Variants in CELF2 observed in about 807,000 individuals in gnomAD.
CELF2 encodes CUGBP Elav-like family member 2, also known as CUG triplet repeat RNA-binding protein 2.
CELF2 carries 8 observed loss-of-function variants against 62.6 expected under a neutral mutation model. The observed-to-expected ratio is 0.13, with a 90% CI of 0.07 to 0.23. The LOEUF is 0.23. Ranked by LOEUF, CELF2 falls within the 10% of genes least tolerant of loss-of-function variation. The pLI, the probability that CELF2 is intolerant of heterozygous loss-of-function variation, is 1.00. For synonymous variants in CELF2, 258 were observed against 250.0 expected, an observed-to-expected ratio of 1.03 and a Z score of -0.30; for missense variants, 333 against 671.0, an observed-to-expected ratio of 0.50 and a Z score of 5.56.
chr10:10,774,271 A>C, the CELF2 span, among the ~76,000 whole-genome samples: 1 of 152,204 alleles, frequency 6.6e-6, no homozygotes, highest in Non-Finnish European at 1.5e-5. Flanking sequence ...CGGTACACAT[A>C]GACAAATTAG....
At chr10:10,539,224 G>T in the CELF2 span, among the ~76,000 whole-genome samples, 1 of 152,204 alleles carries the variant, frequency 6.6e-6, no homozygotes, top group South Asian at 2.1e-4. Context: ...TCTATACAAA[G>T]AAAAAGTAGC....
the CELF2 span, among the ~76,000 whole-genome samples, chr10:10,499,086 T>A: frequency 3.4e-5 from 5 of 148,314 alleles, no homozygotes; most frequent in East Asian, 1.9e-4. Context: ...TTTTTTTTTT[T>A]GAGAGAGTCT....
the CELF2 span, among the ~76,000 whole-genome samples, chr10:10,729,530 A>G: frequency 6.6e-6 from 1 of 152,200 alleles, no homozygotes; most frequent in Non-Finnish European, 1.5e-5. Context: ...TCATGGCATT[A>G]TATGAGACAA....
intron 2 of CELF2, among the ~76,000 whole-genome samples, chr10:11,212,451 C>G (rs566746916): frequency 6.6e-6 from 1 of 152,352 alleles, no homozygotes; most frequent in South Asian, 2.1e-4. Flanking sequence ...CAGTGAACAG[C>G]AGAATCACAG....
At chr10:10,594,149 T>A in the CELF2 span, among the ~76,000 whole-genome samples, 19,974 of 152,156 alleles carry the variant, frequency 0.13, 1,572 homozygotes, top group Non-Finnish European at 0.19. Flanking sequence ...TTGAGAAATA[T>A]TTTGAGTTTA....
intron 1 of CELF2, among the ~76,000 whole-genome samples, chr10:10,888,430 C>T (rs2061909752): frequency 6.6e-6 from 1 of 152,134 alleles, no homozygotes; most frequent in African/African-American, 2.4e-5. Context: ...CTAAAAATTG[C>T]CATGTGATTA....
the CELF2 span, among the ~76,000 whole-genome samples, chr10:10,659,725 C>T: frequency 3.9e-5 from 6 of 152,208 alleles, no homozygotes; most frequent in Non-Finnish European, 8.8e-5. Context: ...TTAGTGCCTT[C>T]GGTTCCAGCT....
At chr10:10,464,975 A>G in the CELF2 span, among the ~76,000 whole-genome samples, 1 of 152,156 alleles carries the variant, frequency 6.6e-6, no homozygotes, top group African/African-American at 2.4e-5. Context: ...ATTTCTTAAC[A>G]ATAGTTCTGC....
the CELF2 span, among the ~76,000 whole-genome samples, chr10:10,759,310 T>C: frequency 1.3e-4 from 19 of 141,314 alleles, no homozygotes; most frequent in East Asian, 4.1e-4. Flanking sequence ...TTTTTTTTTT[T>C]TTTTTTTTTT....
At chr10:10,563,607 CAAAAAAAAAA>C in the CELF2 span, among the ~76,000 whole-genome samples, 1 of 86,994 alleles carries the variant, frequency 1.1e-5, no homozygotes, top group Non-Finnish European at 2.6e-5. Context: ...GACTGTGTCT[CAAAAAAAAAA>C]AAAAAAAAAA....
chr10:10,901,620 A>T (rs1223804824), intron 1 of CELF2, among the ~76,000 whole-genome samples: 1 of 152,220 alleles, frequency 6.6e-6, no homozygotes, highest in Non-Finnish European at 1.5e-5. Context: ...TCCTAAATAC[A>T]GCTCTAAAAG....
At chr10:10,909,705 G>T (rs1347885322) in intron 1 of CELF2, among the ~76,000 whole-genome samples, 4 of 152,202 alleles carry the variant, frequency 2.6e-5, no homozygotes, top group Admixed American at 1.3e-4. Flanking sequence ...CTTGATATCT[G>T]TTTCAGCAAA....
chr10:11,191,042 A>G lies in CELF2; in HGVS notation c.271+25360A>G, dbSNP rs1301818466. Among the ~76,000 whole-genome samples, 1 of 152,128 alleles carries G rather than the reference A, an allele frequency of 6.6e-6. No homozygotes were observed. The highest frequency in any genetic ancestry group is 1.5e-5 in the Non-Finnish European group (1 of 68,032). On this transcript the variant is annotated intron_variant, in intron 2 of 12. Coordinates refer to ENST00000633077, the MANE Select transcript of CELF2 (RefSeq NM_001326342.2). The surrounding 1 kb of genome is among the most constrained non-coding windows in gnomAD (Gnocchi z 4.1). Reference sequence around the variant, plus strand: ...CTTCATGGACATCCTGGTCATGTGTACAGAAAACTTAGAAGTAAATTAGGG... The same window carrying G: ...CTTCATGGACATCCTGGTCATGTGTGCAGAAAACTTAGAAGTAAATTAGGG...
chr10:10,614,917 TA>T, the CELF2 span, among the ~76,000 whole-genome samples: 2 of 151,968 alleles, frequency 1.3e-5, no homozygotes, highest in East Asian at 3.9e-4. Flanking sequence ...TGTCTACACA[TA>T]ACTCTTTTTC....
the CELF2 span, among the ~76,000 whole-genome samples, chr10:10,719,676 C>T: frequency 6.6e-6 from 1 of 152,184 alleles, no homozygotes; most frequent in South Asian, 2.1e-4. Context: ...CCATTCCTGA[C>T]CCTTCCACGT....
At position 11,325,816 on chromosome 10, in the gene CELF2, A is replaced by C; in HGVS notation, c.1295-20A>C. The C allele has an allele frequency of 6.4e-7, 1 of 1,569,056 alleles. No individual in the cohort carries two copies. The highest frequency in any genetic ancestry group is 8.6e-7 in the Non-Finnish European group (1 of 1,162,798). On this transcript the variant is annotated intron_variant, in intron 11 of 12. Coordinates refer to ENST00000633077, the MANE Select transcript of CELF2 (RefSeq NM_001326342.2). Reference sequence around the variant, plus strand: ...AAGACTCAAGGGATACCTTACTCTGACTTTTTTTTTCCTCCTTAGGTCCAG... The same window carrying C: ...AAGACTCAAGGGATACCTTACTCTGCCTTTTTTTTTCCTCCTTAGGTCCAG...
chr10:10,860,801 C>T (rs1178915155), intron 1 of CELF2, among the ~76,000 whole-genome samples: 2 of 152,184 alleles, frequency 1.3e-5, no homozygotes, highest in Non-Finnish European at 2.9e-5. Context: ...TATTTGCATA[C>T]AGTGTGATGA....
intron 8 of CELF2, among the ~76,000 whole-genome samples, chr10:11,278,652 T>A (rs2087051431): frequency 6.6e-6 from 1 of 152,250 alleles, no homozygotes; most frequent in Admixed American, 6.5e-5. Context: ...TTAAAAATCA[T>A]GCAGCTGTCC....
intron 1 of CELF2, among the ~76,000 whole-genome samples, chr10:10,842,097 G>C (rs1472175252): frequency 6.6e-6 from 1 of 151,934 alleles, no homozygotes; most frequent in South Asian, 2.1e-4. Context: ...GACTCCAATT[G>C]TTCATTGCTG....
Sources: allele counts gnomAD v4.1 joint callset (sites outside exome capture counted in the v4.1 genomes callset), GRCh38; gene constraint gnomAD v4.1.1; non-coding constraint Gnocchi (gnomAD v3.1); transcripts MANE v1.5; gene names NCBI Gene and HGNC (gene_info 2026-07-23, HGNC 2026-07-21).